SEMA6D: variants seen among roughly 807,000 people sequenced by gnomAD.
SEMA6D encodes semaphorin-6D.
In SEMA6D, 35 loss-of-function variants were observed where a neutral mutation model predicts 106.6. That is an observed-to-expected ratio of 0.33 (90% CI 0.25 to 0.44). SEMA6D has a LOEUF of 0.44. Ranked by LOEUF, SEMA6D falls within the 20% of genes least tolerant of loss-of-function variation. The pLI, the probability that SEMA6D is intolerant of heterozygous loss-of-function variation, is 1.00. For synonymous variants in SEMA6D, 499 were observed against 487.7 expected, an observed-to-expected ratio of 1.02 and a Z score of -0.31; for missense variants, 1,185 against 1,345.9, an observed-to-expected ratio of 0.88 and a Z score of 1.87.
chr15:47,386,064 A>G (rs1009609492), intron 1 of SEMA6D, among the ~76,000 whole-genome samples: 2 of 152,246 alleles, frequency 1.3e-5, no homozygotes, highest in Non-Finnish European at 2.9e-5. Context: ...ATATATGTGT[A>G]ACATATGTAA....
intron 4 of SEMA6D, among the ~76,000 whole-genome samples, chr15:47,658,281 A>T (rs2077845065): frequency 6.6e-6 from 1 of 152,196 alleles, no homozygotes. Flanking sequence ...ATTAATAGAT[A>T]GGCTAAACTA....
intron 1 of SEMA6D, among the ~76,000 whole-genome samples, chr15:47,343,959 C>T (rs549392420): frequency 1.8e-4 from 28 of 152,100 alleles, no homozygotes; most frequent in Non-Finnish European, 2.8e-4. Flanking sequence ...GAAATTTATG[C>T]AGCTGAAAAA....
intron 1 of SEMA6D, among the ~76,000 whole-genome samples, chr15:47,193,474 C>G (rs1015966108): frequency 1.3e-5 from 2 of 152,078 alleles, no homozygotes; most frequent in Admixed American, 1.3e-4. Flanking sequence ...CTTGTAATCT[C>G]AAGAATAAGG....
At chr15:47,505,567 G>A (rs2044011827) in intron 3 of SEMA6D, among the ~76,000 whole-genome samples, 1 of 152,134 alleles carries the variant, frequency 6.6e-6, no homozygotes, top group Non-Finnish European at 1.5e-5. Context: ...TGTCATTGAG[G>A]TTATCTAGCT....
chr15:47,760,282 T>A, intron 2 of SEMA6D, 22 bp from the exon 3 acceptor site: 1 of 1,554,228 alleles, frequency 6.4e-7, no homozygotes, highest in African/African-American at 1.4e-5. Flanking sequence ...TGAATGATGG[T>A]TTAGCCCATT....
At chr15:47,552,039 C>T (rs1314773774) in intron 3 of SEMA6D, among the ~76,000 whole-genome samples, 1 of 149,758 alleles carries the variant, frequency 6.7e-6, no homozygotes, top group East Asian at 2.0e-4. Context: ...AGGAAACAGA[C>T]AAAAAAAAAG....
intron 1 of SEMA6D, among the ~76,000 whole-genome samples, chr15:47,203,376 A>G (rs1214921410): frequency 6.6e-6 from 1 of 152,202 alleles, no homozygotes; most frequent in Non-Finnish European, 1.5e-5. Flanking sequence ...AGGAAAGATC[A>G]ATCACTGGAA....
chr15:47,304,433 T>TAAAAAAAA lies in SEMA6D; in HGVS notation c.-238-107931_-238-107924dup, dbSNP rs56185341. Among the ~76,000 whole-genome samples the TAAAAAAAA allele has an allele frequency of 2.7e-3, 252 of 93,816 alleles. 27 individuals are homozygous for TAAAAAAAA. The highest frequency in any genetic ancestry group is 0.01 in the African/African-American group (168 of 16,328). The allele number at this position is 93,816 out of a possible 152,430, so 61.5% of individuals were successfully genotyped here. A position where few individuals can be genotyped will look rare whatever the true frequency, so the allele number is the denominator to read the frequency against. ...TGCACTCCAGCCTGAGCCTTCTAAC[T>TAAAAAAAA]AAAAAAAAAAAAAAAAAAAAAAAAA... On this transcript the variant is annotated intron_variant, in intron 1 of 19. Coordinates refer to the SEMA6D transcript ENST00000558014.
intron 1 of SEMA6D, among the ~76,000 whole-genome samples, chr15:47,739,047 T>G (rs1026835578): frequency 6.6e-6 from 1 of 152,068 alleles, no homozygotes; most frequent in Non-Finnish European, 1.5e-5. Flanking sequence ...GTCCAAGAAA[T>G]AGGAAGTGGA....
intron 2 of SEMA6D, among the ~76,000 whole-genome samples, chr15:47,425,153 A>T (rs897230093): frequency 2.6e-5 from 4 of 152,050 alleles, no homozygotes; most frequent in African/African-American, 9.7e-5. Context: ...TATTGTGGTG[A>T]TGACTTTTAG....
chr15:47,442,036 T>C (rs2041898313), intron 2 of SEMA6D, among the ~76,000 whole-genome samples: 1 of 152,142 alleles, frequency 6.6e-6, no homozygotes, highest in Non-Finnish European at 1.5e-5. Flanking sequence ...TCTAATGTTA[T>C]AAAGGCAGCT....
At chr15:47,482,556 G>A (rs562249894) in intron 3 of SEMA6D, among the ~76,000 whole-genome samples, 12 of 152,220 alleles carry the variant, frequency 7.9e-5, no homozygotes, top group Admixed American at 2.0e-4. Context: ...TACCAGTCAC[G>A]TGCAGGATAT....
intron 4 of SEMA6D, among the ~76,000 whole-genome samples, chr15:47,692,910 AG>A (rs2078620217): frequency 6.8e-6 from 1 of 148,010 alleles, no homozygotes; most frequent in Non-Finnish European, 1.5e-5. Context: ...TGATTAGGAA[AG>A]GCTCTGGTTT....
At chr15:47,763,239 G>C (rs1214077957) in intron 9 of SEMA6D, 135 bp downstream of exon 9, 22 of 572,304 alleles carry the variant, frequency 3.8e-5, no homozygotes, top group Non-Finnish European at 5.4e-5. Flanking sequence ...CTGCAGAGAG[G>C]TGGGTTGCTT....
chr15:47,239,957 T>G (rs1352116480), intron 1 of SEMA6D, among the ~76,000 whole-genome samples: 1 of 152,206 alleles, frequency 6.6e-6, no homozygotes, highest in Non-Finnish European at 1.5e-5. Flanking sequence ...TATGTGAAGG[T>G]ATAAAATGAC....
At chr15:47,389,297 G>A (rs2145783777) in intron 1 of SEMA6D, among the ~76,000 whole-genome samples, 1 of 152,238 alleles carries the variant, frequency 6.6e-6, no homozygotes, top group East Asian at 1.9e-4. Context: ...AAGGTTGACT[G>A]TTGCTATTAT....
chr15:47,466,890 CTTT>C (rs74867347), intron 2 of SEMA6D, among the ~76,000 whole-genome samples: 3 of 132,220 alleles, frequency 2.3e-5, no homozygotes, highest in Non-Finnish European at 1.6e-5. Flanking sequence ...CCACGCCTGG[CTTT>C]TTTTTTTTTT....
At chr15:47,719,459 C>T (rs1002717634) in intron 1 of SEMA6D, among the ~76,000 whole-genome samples, 5 of 152,114 alleles carry the variant, frequency 3.3e-5, no homozygotes, top group Non-Finnish European at 7.4e-5. Flanking sequence ...CGATTTTTCC[C>T]CAAAACTTCT....
chr15:47,510,513 T>G (rs1264826897), intron 3 of SEMA6D, among the ~76,000 whole-genome samples: 1 of 152,226 alleles, frequency 6.6e-6, no homozygotes, highest in African/African-American at 2.4e-5. Flanking sequence ...TCACCAAATA[T>G]GTGCCAGCCC....
Sources: gnomAD v4.1 joint callset for allele counts (sites outside exome capture counted in the v4.1 genomes callset) on GRCh38, gnomAD v4.1.1 for gene constraint, MANE v1.5 for transcripts, NCBI Gene and HGNC (gene_info 2026-07-23, HGNC 2026-07-21) for gene names.